Variants in COL18A1 observed in about 807,000 individuals in gnomAD.
COL18A1 encodes the protein collagen alpha-1(XVIII) chain.
A neutral mutation model predicts 168.0 loss-of-function variants in COL18A1; 133 were observed. The ratio of observed to expected loss-of-function variants is 0.79; its 90% CI spans 0.69 to 0.91. COL18A1 has a LOEUF of 0.91. Ranked by LOEUF, COL18A1 falls within the 40% of genes least tolerant of loss-of-function variation. The pLI is 0.00. For missense variants in COL18A1, 2,126 were observed against 1,925.4 expected (o/e 1.10, Z -1.95); for synonymous variants, 949 against 809.0 (o/e 1.17, Z -2.94).
intron 2 of COL18A1, among the ~76,000 whole-genome samples, chr21:45,460,743 C>T (rs1326866719): frequency 6.6e-6 from 1 of 152,184 alleles, no homozygotes; most frequent in Non-Finnish European, 1.5e-5. Context: ...TCATGCTTAT[C>T]TCTCACCGCT....
chr21:45,437,363 C>T lies in COL18A1; in HGVS notation c.107-30879C>T, dbSNP rs1326334397. ...ACACACAGGCACTCTCCTGCGCACA[C>T]ACACACACTCAGACACACAGGCACT... On this transcript the variant is annotated intron_variant, in intron 2 of 41. Coordinates refer to ENST00000651438, the MANE Select transcript of COL18A1 (RefSeq NM_001379500.1). Among the ~76,000 whole-genome samples the T allele has an allele frequency of 1.7e-4, 22 of 125,768 alleles. 1 individual carries two copies. The highest frequency in any genetic ancestry group is 7.7e-4 in the East Asian group (3 of 3,880). 82.5% of individuals were successfully genotyped at this position (125,768 alleles called of 152,430 possible).
intron 2 of COL18A1, chr21:45,422,728 C>G (rs1252374132): frequency 7.1e-6 from 2 of 280,294 alleles, no homozygotes; most frequent in East Asian, 2.6e-4. Context: ...TGTGGGCCTC[C>G]TGGGTGGAGG....
In COL18A1 at chr21:45,437,152, ACT is replaced by A. The variant is rs1436690783; in HGVS notation, c.107-31088_107-31087del. 4.4e-4 allele frequency among the ~76,000 whole-genome samples: 46 copies of A among 104,424 alleles called. 4 individuals carry two copies. Among genetic ancestry groups the A allele is most frequent in the South Asian group, 6.2e-4 (2 of 3,238 alleles). The allele number at this position is 104,424 out of a possible 152,430, so 68.5% of individuals were successfully genotyped here. On this transcript the variant is annotated intron_variant, in intron 2 of 41. Transcript: ENST00000651438. ...ACAGGCACTCTCCACACACACTCAC[ACT>A]CAGACACAGGCACTCTCCTGCACAC...
intron 2 of COL18A1, among the ~76,000 whole-genome samples, chr21:45,432,215 A>C (rs892912466): frequency 6.6e-6 from 1 of 151,530 alleles, no homozygotes; most frequent in Middle Eastern, 3.4e-3. Flanking sequence ...AGGTGCCCTC[A>C]TGGGGGGTCC....
chr21:45,473,843 T>G lies in COL18A1; in HGVS notation c.652-52T>G. On this transcript the variant is annotated intron_variant, in intron 3 of 41. Coordinates refer to ENST00000651438, the MANE Select transcript of COL18A1 (RefSeq NM_001379500.1). This position sits in a 1 kb window ranked among gnomAD's most constrained non-coding sequence, Gnocchi z 4.0. ...TCTGGAGCTCAAGCAGCACCGGGGT[T>G]GCCACTGCCACCTCAGGACCGCTGG... 6.9e-7 allele frequency: 1 copy of G among 1,444,310 alleles called. No homozygotes were observed. Among genetic ancestry groups the G allele is most frequent in the Non-Finnish European group, 9.5e-7 (1 of 1,049,262 alleles). The allele number at this position is 1,444,310 out of a possible 1,614,324, so 89.5% of individuals were successfully genotyped here.
intron 2 of COL18A1, among the ~76,000 whole-genome samples, chr21:45,458,333 C>T (rs927644642): frequency 2.0e-5 from 3 of 151,624 alleles, no homozygotes; most frequent in East Asian, 3.9e-4. Flanking sequence ...GTTGGCATCT[C>T]GTAGGGCTGG....
rs1263108069 is a variant in COL18A1, at chr21:45,488,310, C to T, written c.1897-108C>T. Reference sequence around the variant, plus strand: ...TTAACTTAGTACATTTCCTTTTACACACGTATTTTGAAGTCTTGACTGTTA... The same window carrying T: ...TTAACTTAGTACATTTCCTTTTACATACGTATTTTGAAGTCTTGACTGTTA... On this transcript the variant is annotated intron_variant, in intron 17 of 41. Transcript: ENST00000651438. The T allele has an allele frequency of 4.4e-6, 6 of 1,361,712 alleles. No homozygotes were observed. In the African/African-American group the frequency reaches 7.1e-5, roughly 16 times the overall value. 84.4% of individuals were successfully genotyped at this position (1,361,712 alleles called of 1,614,324 possible).
chr21:45,411,769 G>T (rs1030875524), intron 2 of COL18A1, among the ~76,000 whole-genome samples: 10 of 137,302 alleles, frequency 7.3e-5, no homozygotes, highest in Admixed American at 3.6e-4. Context: ...CGGGGGGTGG[G>T]GGGGGGGCAG....
chr21:45,485,489 C>G (rs1229804822), intron 15 of COL18A1, among the ~76,000 whole-genome samples: 2 of 143,694 alleles, frequency 1.4e-5, no homozygotes. Context: ...GAGCGAGACC[C>G]TGTGTCCAAA....
intron 2 of COL18A1, among the ~76,000 whole-genome samples, chr21:45,434,637 A>G (rs1276945344): frequency 6.6e-6 from 1 of 152,216 alleles, no homozygotes; most frequent in Non-Finnish European, 1.5e-5. Context: ...AGAGGGTGGC[A>G]GAGGCTGAAT....
At chr21:45,487,685 T>C in intron 17 of COL18A1, 176 bp downstream of exon 17, 2 of 783,902 alleles carry the variant, frequency 2.6e-6, no homozygotes, top group Non-Finnish European at 2.2e-6. Flanking sequence ...TCTTCGGAGA[T>C]GCCCCTTCAT....
intron 37 of COL18A1, chr21:45,506,281 C>T (rs2037198340): frequency 5.0e-6 from 2 of 396,482 alleles, no homozygotes; most frequent in South Asian, 4.3e-5. Context: ...GACAAGGCGC[C>T]TGACGGGACG....
chr21:45,429,929 C>T (rs1310996826), intron 2 of COL18A1, among the ~76,000 whole-genome samples: 5 of 149,928 alleles, frequency 3.3e-5, no homozygotes, highest in African/African-American at 1.3e-4. Flanking sequence ...ATCTCCCTCG[C>T]GCCCTCTCAT....
At chr21:45,476,800 G>A (rs920013454) in intron 6 of COL18A1, among the ~76,000 whole-genome samples, 4 of 151,648 alleles carry the variant, frequency 2.6e-5, no homozygotes, top group South Asian at 2.1e-4. Context: ...TGTGTTGCGT[G>A]TAGTGTACGT....
chr21:45,434,779 C>T (rs1050013484), intron 2 of COL18A1, among the ~76,000 whole-genome samples: 6 of 149,462 alleles, frequency 4.0e-5, no homozygotes, highest in African/African-American at 1.2e-4. Context: ...GCGGGGGTCC[C>T]GGTGGGTTGC....
At chr21:45,489,995 G>C (rs557891640) in intron 19 of COL18A1, among the ~76,000 whole-genome samples, 2 of 4,744 alleles carry the variant, frequency 4.2e-4, no homozygotes, top group Admixed American at 1.9e-3. Context: ...CCACTTCCCC[G>C]TCCCCCACAC....
At position 45,477,925 on chromosome 21, in the gene COL18A1, C is replaced by T. The variant is rs753242706; in HGVS notation, c.1181C>T (p.Pro394Leu). The change falls in exon 8 of 42, where the codon CCT (proline) becomes CTT (leucine). Residue 394 changes from proline to leucine, a missense_variant. Transcript: ENST00000651438. ...CCCGGACCACAAGGACCCCCAGGGCCTCCGGGGAGGGACGGCACCCCTGGA... is the reference window on the plus strand; with the variant it reads ...CCCGGACCACAAGGACCCCCAGGGCTTCCGGGGAGGGACGGCACCCCTGGA... Reference protein sequence around the residue: ...TVPGPQGPPGPPGRDGTPGRD... With the variant: ...TVPGPQGPPGLPGRDGTPGRD... The T allele has an allele frequency of 6.4e-7, 1 of 1,564,122 alleles. No homozygotes were observed. The highest frequency in any genetic ancestry group is 8.7e-7 in the Non-Finnish European group (1 of 1,153,882).
chr21:45,411,059 C>A (rs984620835), intron 2 of COL18A1, among the ~76,000 whole-genome samples: 2 of 152,194 alleles, frequency 1.3e-5, no homozygotes, highest in Non-Finnish European at 2.9e-5. Context: ...TTCAGGTGGA[C>A]GCTGCAGCTG....
At chr21:45,408,851 G>C (rs1448410934) in intron 2 of COL18A1, among the ~76,000 whole-genome samples, 1 of 152,214 alleles carries the variant, frequency 6.6e-6, no homozygotes, top group Non-Finnish European at 1.5e-5. Context: ...GAAGCCTAGG[G>C]ATCCAAAGAA....
Sources: gnomAD v4.1 joint callset for allele counts (sites outside exome capture counted in the v4.1 genomes callset) on GRCh38, gnomAD v4.1.1 for gene constraint, Gnocchi (gnomAD v3.1) non-coding constraint, MANE v1.5 for transcripts, NCBI Gene and HGNC (gene_info 2026-07-23, HGNC 2026-07-21) for gene names.